The following SNX29 variants were observed in gnomAD, a reference collection of about 807,000 sequenced individuals.
SNX29 encodes sorting nexin 29, also known as sorting nexin-29.
Under a neutral mutation model 102.1 loss-of-function variants are expected in SNX29, and 78 were observed. That is an observed-to-expected ratio of 0.76 (90% CI 0.64 to 0.92). The LOEUF is 0.92. Among genes scored for constraint, SNX29 ranks in the 40% least tolerant of loss-of-function variants. The probability of loss-of-function intolerance (pLI) is 0.00; values close to 1 mark genes in which losing one functional copy is unlikely to be tolerated. For synonymous variants in SNX29, 580 were observed against 414.5 expected, an observed-to-expected ratio of 1.40 and a Z score of -4.85; for missense variants, 1,280 against 1,061.7, an observed-to-expected ratio of 1.21 and a Z score of -2.86.
chr16:12,536,308 C>T (rs1312246714), intron 20 of SNX29, among the ~76,000 whole-genome samples: 1 of 151,978 alleles, frequency 6.6e-6, no homozygotes, highest in East Asian at 1.9e-4. Flanking sequence ...TCTGGGAAGA[C>T]AGGTTGAGAA....
intron 14 of SNX29, among the ~76,000 whole-genome samples, chr16:12,220,328 G>C (rs1449462079): frequency 7.2e-6 from 1 of 138,824 alleles, no homozygotes; most frequent in East Asian, 2.0e-4. Flanking sequence ...GGGAGGAAGG[G>C]AGGGAGGGAG....
intron 14 of SNX29, among the ~76,000 whole-genome samples, chr16:12,210,612 G>A (rs187238857): frequency 7.2e-5 from 11 of 152,114 alleles, no homozygotes; most frequent in Non-Finnish European, 1.2e-4. Context: ...CTCCACTGCC[G>A]AGCTTCCACC....
chr16:12,419,554 C>T (rs2084785035), intron 18 of SNX29, among the ~76,000 whole-genome samples: 1 of 122,356 alleles, frequency 8.2e-6, no homozygotes, highest in East Asian at 2.5e-4. Flanking sequence ...TTAGTGTCAT[C>T]AGACTCAGCC....
chr16:12,345,685 TTGAG>T (rs2081777326), intron 15 of SNX29, among the ~76,000 whole-genome samples: 1 of 152,104 alleles, frequency 6.6e-6, no homozygotes, highest in African/African-American at 2.4e-5. Context: ...CAACTGAGAT[TTGAG>T]TGACGTTGTG....
intron 16 of SNX29, among the ~76,000 whole-genome samples, chr16:12,377,010 G>C (rs1056663663): frequency 1.5e-4 from 23 of 152,132 alleles, no homozygotes; most frequent in African/African-American, 5.6e-4. Flanking sequence ...TTTCTAACCA[G>C]GAGAATGTGG....
rs554617620 is a variant in SNX29 at position 12,519,858 on chromosome 16, A to G, written c.2179-4844A>G. Among the ~76,000 whole-genome samples the G allele has an allele frequency of 1.1e-4, 17 of 152,246 alleles. No homozygotes were observed. In the East Asian group the frequency reaches 3.3e-3, roughly 29 times the overall value. On this transcript the variant is annotated intron_variant, in intron 19 of 20. Coordinates refer to ENST00000566228, the MANE Select transcript of SNX29 (RefSeq NM_032167.5). Reference sequence around the variant, plus strand: ...CCCTGTCTCTGTTAAAAATACAAAAATTAGCTAGGCATGGTGGTGTGCCCC... The same window carrying G: ...CCCTGTCTCTGTTAAAAATACAAAAGTTAGCTAGGCATGGTGGTGTGCCCC...
intron 20 of SNX29, among the ~76,000 whole-genome samples, chr16:12,558,350 C>CA (rs2078503769): frequency 6.6e-6 from 1 of 151,832 alleles, no homozygotes; most frequent in Non-Finnish European, 1.5e-5. Context: ...GAGGCCCCCT[C>CA]AGCATCACAG....
chr16:12,023,646 C>T (rs536738364), intron 3 of SNX29, among the ~76,000 whole-genome samples: 10 of 151,728 alleles, frequency 6.6e-5, no homozygotes, highest in South Asian at 4.2e-4. Flanking sequence ...CCTTTCATTT[C>T]GTGGGAATTA....
chr16:12,345,389 C>G (rs764069065), intron 15 of SNX29, among the ~76,000 whole-genome samples: 13 of 152,148 alleles, frequency 8.5e-5, no homozygotes, highest in Non-Finnish European at 1.6e-4. Context: ...ATGTCTAAGA[C>G]TTCTGTGTGC....
At chr16:12,395,145 G>A (rs2083673399) in intron 16 of SNX29, among the ~76,000 whole-genome samples, 1 of 151,964 alleles carries the variant, frequency 6.6e-6, no homozygotes, top group South Asian at 2.1e-4. Context: ...CATTTATTCA[G>A]GACATAGTGG....
chr16:12,013,494 A>AGGGG (rs2056728186), intron 3 of SNX29, among the ~76,000 whole-genome samples: 3 of 32,734 alleles, frequency 9.2e-5, no homozygotes, highest in African/African-American at 4.1e-4. Context: ...GGGGGAAAAA[A>AGGGG]AAAAAAATAT....
intron 3 of SNX29, among the ~76,000 whole-genome samples, chr16:12,013,501 ATATATATATATATATATATATATAT>A (rs1372089049): frequency 2.2e-4 from 9 of 40,896 alleles, no homozygotes; most frequent in South Asian, 1.9e-3. Context: ...AAAAAAAAAA[ATATATATATATATATATATATATAT>A]ATATATATAT....
intron 18 of SNX29, among the ~76,000 whole-genome samples, chr16:12,462,016 T>TACACAC (rs375061825): frequency 0.032 from 2,086 of 64,878 alleles, 98 homozygotes; most frequent in East Asian, 0.12. Context: ...TATATATGTA[T>TACACAC]ACACACACAC....
intron 2 of SNX29, among the ~76,000 whole-genome samples, chr16:12,002,672 C>T (rs962603887): frequency 3.9e-5 from 6 of 152,198 alleles, no homozygotes; most frequent in South Asian, 2.1e-4. Flanking sequence ...AGTCAGCTGC[C>T]GACAGGCAGG....
rs1400941451 is a variant in SNX29, at chr16:12,547,495, TTGC to T, written c.2319-21008_2319-21006del. ...ATTCTCAAAGTAGAACTACCAGAACTTGCTGGTTTCAATGTGGGTGTGAGAGAA... is the reference window on the plus strand; with the variant it reads ...ATTCTCAAAGTAGAACTACCAGAACTTGGTTTCAATGTGGGTGTGAGAGAA... On this transcript the variant is annotated intron_variant, in intron 20 of 20. Transcript: ENST00000566228. Among the ~76,000 whole-genome samples the T allele has an allele frequency of 5.9e-5, 9 of 152,206 alleles. No individual in the cohort carries two copies. In the South Asian group the frequency reaches 1.0e-3, roughly 18 times the overall value.
At chr16:12,184,021 C>T (rs548712982) in intron 13 of SNX29, among the ~76,000 whole-genome samples, 2 of 152,328 alleles carry the variant, frequency 1.3e-5, no homozygotes, top group East Asian at 1.9e-4. Context: ...CGGCATCCCT[C>T]GGGGCTGCTC....
intron 20 of SNX29, among the ~76,000 whole-genome samples, chr16:12,564,451 G>T (rs1271220011): frequency 6.6e-6 from 1 of 151,918 alleles, no homozygotes; most frequent in East Asian, 1.9e-4. Flanking sequence ...TCAGAAAGCT[G>T]TGTTTTGGGG....
At chr16:12,080,660 A>G (rs350257) in intron 11 of SNX29, among the ~76,000 whole-genome samples, 128,366 of 151,706 alleles carry the variant, frequency 0.85, 54,695 homozygotes, top group African/African-American at 0.94. Context: ...GATGACAGGC[A>G]TGAGCCACCG....
At chr16:12,269,840 T>TCAC (rs1474858791) in intron 14 of SNX29, among the ~76,000 whole-genome samples, 1 of 104,948 alleles carries the variant, frequency 9.5e-6, no homozygotes, top group Admixed American at 9.5e-5. Flanking sequence ...ATCATCACCA[T>TCAC]CATCATCATC....
Sources: gnomAD v4.1 joint callset for allele counts (sites outside exome capture counted in the v4.1 genomes callset) on GRCh38, gnomAD v4.1.1 for gene constraint, MANE v1.5 for transcripts, NCBI Gene and HGNC (gene_info 2026-07-23, HGNC 2026-07-21) for gene names.